Variants in XRN2 observed in about 807,000 individuals in gnomAD.
XRN2 encodes the protein 5'-3' exoribonuclease 2.
XRN2 carries 44 observed loss-of-function variants against 138.5 expected under a neutral mutation model. That is an observed-to-expected ratio of 0.32 (90% CI 0.25 to 0.41). The LOEUF (loss-of-function observed/expected upper bound fraction) is 0.41. Ranked by LOEUF, XRN2 falls within the 10% of genes least tolerant of loss-of-function variation. The pLI is 1.00. For synonymous variants in XRN2, 354 were observed against 369.4 expected, an observed-to-expected ratio of 0.96 and a Z score of 0.48; for missense variants, 937 against 1,169.3, an observed-to-expected ratio of 0.80 and a Z score of 2.90.
chr20:21,352,867 G>A (rs2038526638), intron 20 of XRN2, among the ~76,000 whole-genome samples: 1 of 151,906 alleles, frequency 6.6e-6, no homozygotes, highest in Non-Finnish European at 1.5e-5. Context: ...GCTCCCTCTG[G>A]GTATTGAAAG....
At chr20:21,349,187 C>CT (rs1237545491) in intron 19 of XRN2, among the ~76,000 whole-genome samples, 2 of 152,144 alleles carry the variant, frequency 1.3e-5, no homozygotes, top group African/African-American at 4.8e-5. Context: ...TACAGTAATG[C>CT]TTTTTCATCT....
intron 27 of XRN2, among the ~76,000 whole-genome samples, chr20:21,371,449 A>G (rs1198507645): frequency 1.3e-5 from 2 of 152,228 alleles, no homozygotes; most frequent in African/African-American, 4.8e-5. Flanking sequence ...AGAGGTACAG[A>G]GTCAGTGGTC....
At chr20:21,313,356 G>A (rs930363273) in intron 1 of XRN2, among the ~76,000 whole-genome samples, 1 of 152,188 alleles carries the variant, frequency 6.6e-6, no homozygotes, top group Non-Finnish European at 1.5e-5. Context: ...TGTGTATGTT[G>A]GGTGACTCAA....
intron 24 of XRN2, 98 bp from the exon 25 acceptor site, chr20:21,365,323 A>G: frequency 2.6e-6 from 3 of 1,163,110 alleles, no homozygotes; most frequent in Non-Finnish European, 3.6e-6. Flanking sequence ...AACTAAAATA[A>G]TTTTTGGAGA....
chr20:21,371,609 A>T (rs1272132495), intron 27 of XRN2, among the ~76,000 whole-genome samples: 1 of 152,242 alleles, frequency 6.6e-6, no homozygotes, highest in Non-Finnish European at 1.5e-5. Flanking sequence ...TCTTTGCCCT[A>T]AGATTTTACT....
At position 21,326,304 on chromosome 20, in the gene XRN2, T is replaced by A; in HGVS notation, c.101T>A (p.Ile34Asn). ...CCAAAAGAATGCAATGGTGTAAAGA[T>A]TCCAGTTGATGCCAGTAAACCTAAT... Reference protein sequence around the residue: ...EKPKECNGVKIPVDASKPNPN... With the variant: ...EKPKECNGVKNPVDASKPNPN... The change falls in exon 2 of 30, where the codon ATT becomes AAT. Residue 34 changes from isoleucine to asparagine, a missense_variant. Transcript: ENST00000377191. 6.2e-7 allele frequency: 1 copy of A among 1,613,814 alleles called. No homozygotes were observed. Among genetic ancestry groups the A allele is most frequent in the Non-Finnish European group, 8.5e-7 (1 of 1,179,838 alleles).
At chr20:21,353,456 T>C (rs2038537768) in intron 20 of XRN2, among the ~76,000 whole-genome samples, 1 of 151,296 alleles carries the variant, frequency 6.6e-6, no homozygotes, top group East Asian at 1.9e-4. Context: ...TTTAGGCCAT[T>C]CAAAATTCAT....
At chr20:21,384,681 C>CG (rs1193652777) in intron 28 of XRN2, among the ~76,000 whole-genome samples, 1 of 152,186 alleles carries the variant, frequency 6.6e-6, no homozygotes, top group Non-Finnish European at 1.5e-5. Flanking sequence ...TTAGTAGAGA[C>CG]GGGGTTTTCC....
rs368682953 is a variant in XRN2, at chr20:21,387,012, T to C, written c.2787+6T>C. 4 of 1,604,496 alleles carry C rather than the reference T, an allele frequency of 2.5e-6. No individual in the cohort carries two copies. In the African/African-American group the frequency reaches 5.4e-5, roughly 21 times the overall value. On this transcript the variant is annotated splice_donor_region_variant and intron_variant, in intron 29 of 29. Coordinates refer to ENST00000377191, the MANE Select transcript of XRN2 (RefSeq NM_012255.5). ...ATGATCGTGGAGGGAGACAGGTAAA[T>C]GGTTGTGGGATGAAAAGTATACTGC...
intron 17 of XRN2, among the ~76,000 whole-genome samples, chr20:21,347,333 T>A (rs1057000476): frequency 3.3e-5 from 5 of 152,226 alleles, no homozygotes; most frequent in African/African-American, 9.6e-5. Flanking sequence ...TACCTTTTGA[T>A]AATTGAGATG....
At chr20:21,345,670 ACATTGTATTTT>A (rs1294678897) in intron 16 of XRN2, among the ~76,000 whole-genome samples, 1 of 152,240 alleles carries the variant, frequency 6.6e-6, no homozygotes, top group Non-Finnish European at 1.5e-5. Context: ...GTGGTTGGTC[ACATTGTATTTT>A]CAGTGATGAA....
At chr20:21,311,825 T>TA (rs2037884807) in intron 1 of XRN2, among the ~76,000 whole-genome samples, 1 of 151,794 alleles carries the variant, frequency 6.6e-6, no homozygotes, top group Non-Finnish European at 1.5e-5. Context: ...TCGTCTCTAC[T>TA]AAAAAAGTAA....
intron 5 of XRN2, 37 bp downstream of exon 5, chr20:21,330,576 C>G (rs1183827039): frequency 6.2e-7 from 1 of 1,613,486 alleles, no homozygotes; most frequent in Non-Finnish European, 8.5e-7. Context: ...ATTGCTAACT[C>G]TTAAATGATA....
At chr20:21,317,841 G>A (rs2037981673) in intron 1 of XRN2, among the ~76,000 whole-genome samples, 2 of 152,134 alleles carry the variant, frequency 1.3e-5, no homozygotes, top group Admixed American at 1.3e-4. Context: ...CAGATACGGA[G>A]GGCTGACTGT....
rs182338093 is a variant in XRN2 at position 21,358,081 on chromosome 20, T to C, written c.2255+289T>C. Among the ~76,000 whole-genome samples the C allele has an allele frequency of 6.3e-3, 954 of 152,300 alleles. 3 individuals are homozygous for C. Among genetic ancestry groups the C allele is most frequent in the Non-Finnish European group, 0.011 (717 of 68,020 alleles). ...GTGGGAGGTAAAGAGTAGGAGTATC[T>C]AGCAGTTTGTTATATAGGAACAAAC... On this transcript the variant is annotated intron_variant, in intron 24 of 29. Coordinates refer to ENST00000377191, the MANE Select transcript of XRN2 (RefSeq NM_012255.5).
intron 27 of XRN2, among the ~76,000 whole-genome samples, chr20:21,372,265 CA>C (rs950688542): frequency 1.3e-5 from 2 of 152,006 alleles, no homozygotes; most frequent in African/African-American, 4.8e-5. Context: ...AGTTTATGGA[CA>C]AAAAATTGGC....
At chr20:21,314,777 A>G (rs2037934682) in intron 1 of XRN2, among the ~76,000 whole-genome samples, 1 of 151,744 alleles carries the variant, frequency 6.6e-6, no homozygotes, top group Non-Finnish European at 1.5e-5. Context: ...ATTTTTCCAC[A>G]TTTTTGCTGT....
intron 14 of XRN2, among the ~76,000 whole-genome samples, chr20:21,340,401 C>T (rs919321819): frequency 1.3e-5 from 2 of 152,016 alleles, no homozygotes; most frequent in African/African-American, 2.4e-5. Context: ...AATTGTGTCT[C>T]GAATGTTTTC....
At chr20:21,354,145 C>A (rs1332940610) in intron 20 of XRN2, among the ~76,000 whole-genome samples, 2 of 152,028 alleles carry the variant, frequency 1.3e-5, no homozygotes, top group East Asian at 1.9e-4. Flanking sequence ...AAATAAGTGC[C>A]CTTAATTTCA....
Sources: allele counts gnomAD v4.1 joint callset (sites outside exome capture counted in the v4.1 genomes callset), GRCh38; gene constraint gnomAD v4.1.1; transcripts MANE v1.5; gene names NCBI Gene and HGNC (gene_info 2026-07-23, HGNC 2026-07-21).